STK32C: variants seen among roughly 807,000 people sequenced by gnomAD.
STK32C encodes serine/threonine kinase 32C, also known as serine/threonine-protein kinase 32C.
In STK32C, 31 loss-of-function variants were observed where a neutral mutation model predicts 56.5. The observed-to-expected ratio is 0.55, with a 90% CI of 0.41 to 0.74. STK32C has a LOEUF of 0.74. Among genes scored for constraint, STK32C ranks in the 30% least tolerant of loss-of-function variants. The pLI is 0.00. For missense variants in STK32C, 544 were observed against 676.9 expected (o/e 0.80, Z 2.18); for synonymous variants, 309 against 289.4 (o/e 1.07, Z -0.69).
Position 132,307,727 on chromosome 10 carries a change from G to A in STK32C, c.107C>T (p.Pro36Leu). 3 of 1,232,260 alleles carry A rather than the reference G, an allele frequency of 2.4e-6. No homozygotes were observed. The highest frequency in any genetic ancestry group is 2.6e-5 in the South Asian group (1 of 38,588). The allele number at this position is 1,232,260 out of a possible 1,614,324, so 76.3% of individuals were successfully genotyped here. A position where few individuals can be genotyped will look rare whatever the true frequency, so the allele number is the denominator to read the frequency against. The change falls in exon 1 of 12, where the codon CCG becomes CTG. Residue 36 changes from proline (P) to leucine (L), a missense_variant. Transcript: ENST00000298630. The surrounding 1 kb of genome is among the most constrained non-coding windows in gnomAD (Gnocchi z 4.4). ...CCGGGGCTGGCCAGCAGCGGGCGGCGGCAGGGCCGAGGGCGCGTCGGAGCC... is the reference window on the plus strand; with the variant it reads ...CCGGGGCTGGCCAGCAGCGGGCGGCAGCAGGGCCGAGGGCGCGTCGGAGCC... ...PAGSDAPSAL[P>L]PPAAGQPRAR... is the part of the protein sequence containing the mutation.
intron 1 of STK32C, among the ~76,000 whole-genome samples, chr10:132,304,131 C>T (rs774356269): frequency 7.2e-5 from 11 of 152,226 alleles, no homozygotes; most frequent in Non-Finnish European, 1.0e-4. Flanking sequence ...AGATCTGCAA[C>T]GATGTTCATC....
chr10:132,258,838 G>A (rs1482261805), intron 1 of STK32C, among the ~76,000 whole-genome samples: 7 of 152,348 alleles, frequency 4.6e-5, no homozygotes, highest in East Asian at 3.9e-4. Flanking sequence ...GAGGGGCTGC[G>A]AGGGCCTCCA....
At position 132,210,645 on chromosome 10, in the gene STK32C, G is replaced by A. The variant is rs370545521; in HGVS notation, c.1252-1544C>T. On this transcript the variant is annotated intron_variant, in intron 10 of 11. Transcript: ENST00000298630. ...TGGGAGATGCAGAAGGCTGTTCTCC[G>A]ATGAACGGTTCAGGGATTTGCTGAC... Among the ~76,000 whole-genome samples the A allele has an allele frequency of 6.0e-4, 92 of 152,356 alleles. 3 individuals are homozygous for A. In the South Asian group the frequency reaches 0.018, roughly 29 times the overall value.
At chr10:132,281,626 T>C (rs1295934143) in intron 1 of STK32C, among the ~76,000 whole-genome samples, 1 of 152,164 alleles carries the variant, frequency 6.6e-6, no homozygotes, top group Non-Finnish European at 1.5e-5. Flanking sequence ...AAATCTTCTA[T>C]CAGAAATCTT....
At chr10:132,286,369 C>T (rs1032236673) in intron 1 of STK32C, among the ~76,000 whole-genome samples, 1 of 152,112 alleles carries the variant, frequency 6.6e-6, no homozygotes, top group Non-Finnish European at 1.5e-5. Flanking sequence ...GGAAAAACAC[C>T]ACCAACCTTA....
At chr10:132,208,520 C>G (rs759883176) in intron 11 of STK32C, among the ~76,000 whole-genome samples, 1 of 152,196 alleles carries the variant, frequency 6.6e-6, no homozygotes, top group Non-Finnish European at 1.5e-5. Flanking sequence ...CTGCCCTGCA[C>G]GTCCTGTCCA....
chr10:132,260,834 T>C (rs2064278601), intron 1 of STK32C, among the ~76,000 whole-genome samples: 1 of 152,192 alleles, frequency 6.6e-6, no homozygotes, highest in Non-Finnish European at 1.5e-5. Context: ...CAGTGGCACC[T>C]GGGGGCCCCT....
chr10:132,225,618 T>C lies in STK32C; in HGVS notation c.683-2A>G, dbSNP rs1432289753. 5 of 1,611,318 alleles carry C rather than the reference T, an allele frequency of 3.1e-6. No individual in the cohort carries two copies. The stretch of plus-strand genomic sequence containing the variant: ...TGAAGTCGGTCAGGTGTGCATGTCC[T>C]GTGCAGAGAGGGGTCAGGTGTGGCT... On this transcript the variant is annotated splice_acceptor_variant, in intron 5 of 11. Transcript: ENST00000298630. LOFTEE classifies it high-confidence loss of function.
intron 2 of STK32C, among the ~76,000 whole-genome samples, chr10:132,230,486 C>T (rs1362576651): frequency 2.0e-5 from 3 of 152,104 alleles, no homozygotes; most frequent in African/African-American, 4.8e-5. Context: ...TGCAGACGGT[C>T]ACTGCAGGCT....
chr10:132,251,704 C>A (rs907916736), intron 1 of STK32C, among the ~76,000 whole-genome samples: 33 of 136,494 alleles, frequency 2.4e-4, no homozygotes, highest in African/African-American at 5.3e-4. Context: ...CTGGGGCCTC[C>A]GACCCTCCAC....
intron 1 of STK32C, chr10:132,324,436 T>G (rs945439705): frequency 5.6e-6 from 4 of 712,990 alleles, no homozygotes; most frequent in East Asian, 5.2e-5. Context: ...GGAAGAGCAA[T>G]GTATTTCAGT....
rs541031233 is a variant in STK32C, at chr10:132,325,724, C to CT, written c.302-1352dup. Among the ~76,000 whole-genome samples, 828 of 139,316 alleles carry CT rather than the reference C, an allele frequency of 5.9e-3. 5 individuals are homozygous for CT. Among genetic ancestry groups the CT allele is most frequent in the Middle Eastern group, 0.016 (4 of 258 alleles). The allele number at this position is 139,316 out of a possible 152,430, so 91.4% of individuals were successfully genotyped here. ...GTAAATCGCCCAGTCTTTGGTATGT[C>CT]TTTTTTTTTTTTTTTTTAAGACAGT... On this transcript the variant is annotated intron_variant, in intron 1 of 1. Transcript: ENST00000368619.
chr10:132,274,366 C>T (rs765517513), intron 1 of STK32C, among the ~76,000 whole-genome samples: 46 of 152,198 alleles, frequency 3.0e-4, no homozygotes, highest in Non-Finnish European at 4.9e-4. Flanking sequence ...TAGGGAAAGG[C>T]GGCTGTTTTA....
chr10:132,287,537 C>T (rs2065443581), intron 1 of STK32C, among the ~76,000 whole-genome samples: 1 of 151,242 alleles, frequency 6.6e-6, no homozygotes, highest in Admixed American at 6.6e-5. Context: ...CTGCAACCTC[C>T]ACCTCCCGGG....
intron 1 of STK32C, among the ~76,000 whole-genome samples, chr10:132,281,638 T>C (rs1380601372): frequency 6.6e-6 from 1 of 152,264 alleles, no homozygotes; most frequent in Non-Finnish European, 1.5e-5. Flanking sequence ...AGAAATCTTC[T>C]ATCAGAAAAG....
At chr10:132,234,439 T>C (rs1343739833) in intron 2 of STK32C, among the ~76,000 whole-genome samples, 1 of 152,218 alleles carries the variant, frequency 6.6e-6, no homozygotes, top group Non-Finnish European at 1.5e-5. Flanking sequence ...ACTTCGCTTT[T>C]TCTGCCTTGC....
chr10:132,252,344 G>A (rs2063939611), intron 1 of STK32C, among the ~76,000 whole-genome samples: 1 of 152,282 alleles, frequency 6.6e-6, no homozygotes. Context: ...ATCCTACAAG[G>A]CCGTCGGGAG....
upstream of STK32C, among the ~76,000 whole-genome samples, chr10:132,309,931 A>G (rs1367317726): frequency 6.6e-6 from 1 of 152,236 alleles, no homozygotes. Context: ...AATAGACTTC[A>G]GACAGCAGGT....
chr10:132,243,081 CCA>C (rs2063562416), intron 2 of STK32C, among the ~76,000 whole-genome samples: 1 of 152,198 alleles, frequency 6.6e-6, no homozygotes, highest in African/African-American at 2.4e-5. Context: ...AAGCCTGGTC[CCA>C]GAGAGACCCT....
Sources: gnomAD v4.1 joint callset for allele counts (sites outside exome capture counted in the v4.1 genomes callset) on GRCh38, gnomAD v4.1.1 for gene constraint, Gnocchi (gnomAD v3.1) non-coding constraint, MANE v1.5 for transcripts, NCBI Gene and HGNC (gene_info 2026-07-23, HGNC 2026-07-21) for gene names.